Variants in GRID2 observed in about 807,000 individuals in gnomAD.
The protein encoded by GRID2 is glutamate receptor ionotropic, delta-2.
GRID2 carries 33 observed loss-of-function variants against 114.8 expected under a neutral mutation model. The observed-to-expected ratio is 0.29, with a 90% CI of 0.22 to 0.38. GRID2 has a LOEUF of 0.38. Among genes scored for constraint, GRID2 ranks in the 10% least tolerant of loss-of-function variants. The pLI is 1.00. For missense variants in GRID2, 1,184 were observed against 1,257.7 expected, an observed-to-expected ratio of 0.94 and a Z score of 0.89; for synonymous variants, 505 against 449.9, an observed-to-expected ratio of 1.12 and a Z score of -1.55.
chr4:92,756,912 T>A (rs1737745423), intron 2 of GRID2, among the ~76,000 whole-genome samples: 1 of 152,076 alleles, frequency 6.6e-6, no homozygotes, highest in Admixed American at 6.6e-5. Context: ...TGTCTCTTTA[T>A]TATGTTGATT....
At chr4:92,930,604 A>G (rs930592402) in intron 2 of GRID2, among the ~76,000 whole-genome samples, 2 of 137,116 alleles carry the variant, frequency 1.5e-5, no homozygotes, top group Non-Finnish European at 3.1e-5. Flanking sequence ...TTTTTTGCCA[A>G]TTCTCAATGT....
intron 11 of GRID2, among the ~76,000 whole-genome samples, chr4:93,479,410 AT>A (rs1186487573): frequency 6.6e-6 from 1 of 152,156 alleles, no homozygotes; most frequent in Non-Finnish European, 1.5e-5. Context: ...AGATATAGAT[AT>A]TTGAGTGGGG....
intron 14 of GRID2, among the ~76,000 whole-genome samples, chr4:93,637,199 A>G (rs1721488977): frequency 6.6e-6 from 1 of 152,176 alleles, no homozygotes; most frequent in Admixed American, 6.5e-5. Flanking sequence ...GCTGTAGACT[A>G]AAATAGTAGT....
chr4:92,927,908 T>G (rs1749942242), intron 2 of GRID2, among the ~76,000 whole-genome samples: 1 of 151,716 alleles, frequency 6.6e-6, no homozygotes, highest in Non-Finnish European at 1.5e-5. Context: ...GTTGAGGATC[T>G]CAAATCTGAA....
chr4:93,663,798 G>A (rs1723709795), intron 14 of GRID2, among the ~76,000 whole-genome samples: 1 of 152,152 alleles, frequency 6.6e-6, no homozygotes, highest in Non-Finnish European at 1.5e-5. Context: ...GAATTCACAT[G>A]AAAAACTTAT....
intron 2 of GRID2, among the ~76,000 whole-genome samples, chr4:92,607,847 T>C (rs1404229386): frequency 1.3e-5 from 2 of 151,772 alleles, no homozygotes; most frequent in African/African-American, 4.8e-5. Flanking sequence ...TTCCAAAGCT[T>C]TAAACTATGA....
rs561444044 is a variant in GRID2, at chr4:92,921,325, G to A, written c.245-163670G>A. The stretch of plus-strand genomic sequence containing the variant: ...TCCTTTAGTGCAGAGTAGTTTGATC[G>A]TCTGAAGCTTTCTTCTCTCAACTCG... On this transcript the variant is annotated intron_variant, in intron 2 of 15. Transcript: ENST00000282020. 3.3e-5 allele frequency among the ~76,000 whole-genome samples: 5 copies of A among 151,852 alleles called. No individual in the cohort carries two copies. In the East Asian group the frequency reaches 5.8e-4, roughly 18 times the overall value.
intron 13 of GRID2, among the ~76,000 whole-genome samples, chr4:93,594,485 C>T (rs1156864881): frequency 1.3e-5 from 2 of 152,156 alleles, no homozygotes; most frequent in Non-Finnish European, 2.9e-5. Context: ...TTTAAGTCTG[C>T]AGAGGTTACT....
chr4:93,288,600 T>C (rs1226194535), intron 8 of GRID2, among the ~76,000 whole-genome samples: 1 of 152,244 alleles, frequency 6.6e-6, no homozygotes, highest in African/African-American at 2.4e-5. Context: ...TTTCCTGGGC[T>C]TCCTCACCTA....
chr4:92,780,985 A>G (rs1739047406), intron 2 of GRID2, among the ~76,000 whole-genome samples: 1 of 152,002 alleles, frequency 6.6e-6, no homozygotes. Flanking sequence ...AAATTTTGCC[A>G]TGGGTAATCC....
chr4:93,316,343 G>GAAAGAAAGAAAGAAAGAAA (rs1560491069), intron 8 of GRID2, among the ~76,000 whole-genome samples: 42 of 55,062 alleles, frequency 7.6e-4, no homozygotes, highest in Admixed American at 1.0e-3. Context: ...AAAGAAAGAA[G>GAAAGAAAGAAAGAAAGAAA]GAAGGAAGGA....
chr4:92,392,469 G>A (rs1021361586), intron 1 of GRID2, among the ~76,000 whole-genome samples: 1 of 152,022 alleles, frequency 6.6e-6, no homozygotes, highest in African/African-American at 2.4e-5. Context: ...AACCCGGGAG[G>A]CGGAGATTGC....
Position 92,623,022 on chromosome 4 carries a change from C to A in GRID2, c.244+32736C>A, listed in dbSNP as rs137947294. 8.6e-4 allele frequency among the ~76,000 whole-genome samples: 130 copies of A among 151,674 alleles called. 1 individual carries two copies. The highest frequency in any genetic ancestry group is 3.4e-3 in the Middle Eastern group (1 of 294). On this transcript the variant is annotated intron_variant, in intron 2 of 15. Coordinates refer to ENST00000282020, the MANE Select transcript of GRID2 (RefSeq NM_001510.4). The stretch of plus-strand genomic sequence containing the variant: ...AATAAGGTTCATCACTATTGGGAAT[C>A]TTTTGAAGATGAAAAACTTGTTTTC...
chr4:93,548,699 A>C, intron 13 of GRID2, among the ~76,000 whole-genome samples: 1 of 152,188 alleles, frequency 6.6e-6, no homozygotes, highest in African/African-American at 2.4e-5. Flanking sequence ...TATTTTTTTA[A>C]GAAAGGGCAG....
intron 2 of GRID2, among the ~76,000 whole-genome samples, chr4:92,862,123 G>A (rs911659715): frequency 4.0e-5 from 6 of 151,834 alleles, no homozygotes; most frequent in African/African-American, 1.5e-4. Context: ...TGTCCCAAAG[G>A]GTACTCTGGA....
chr4:92,459,276 A>C (rs189698144), intron 1 of GRID2, among the ~76,000 whole-genome samples: 271 of 152,310 alleles, frequency 1.8e-3, no homozygotes, highest in Middle Eastern at 3.4e-3. Context: ...AATTGTTATA[A>C]ATAATTTAAT....
At chr4:93,665,818 C>A (rs781166880) in intron 14 of GRID2, among the ~76,000 whole-genome samples, 3 of 152,098 alleles carry the variant, frequency 2.0e-5, no homozygotes, top group Non-Finnish European at 4.4e-5. Context: ...CAGAAAAACC[C>A]TGACATGTCA....
chr4:93,094,735 AT>A (rs936469806), intron 3 of GRID2, among the ~76,000 whole-genome samples: 1 of 152,050 alleles, frequency 6.6e-6, no homozygotes, highest in African/African-American at 2.4e-5. Flanking sequence ...TTACACTAAG[AT>A]TAAACCTAAT....
At chr4:93,139,679 A>G (rs1264429139) in intron 4 of GRID2, among the ~76,000 whole-genome samples, 1 of 151,970 alleles carries the variant, frequency 6.6e-6, no homozygotes. Context: ...CAATAAACTT[A>G]AATCAGCATC....
Sources: gnomAD v4.1 joint callset for allele counts (sites outside exome capture counted in the v4.1 genomes callset) on GRCh38, gnomAD v4.1.1 for gene constraint, MANE v1.5 for transcripts, NCBI Gene and HGNC (gene_info 2026-07-23, HGNC 2026-07-21) for gene names.